Variants in USP6NL observed in about 807,000 individuals in gnomAD.
USP6NL encodes the protein USP6 N-terminal like.
USP6NL carries 26 observed loss-of-function variants against 61.9 expected under a neutral mutation model. That is an observed-to-expected ratio of 0.42 (90% CI 0.31 to 0.58). USP6NL has a LOEUF of 0.58. USP6NL is among the 20% of genes least tolerant of loss of function. The probability of loss-of-function intolerance (pLI) is 0.16; values close to 1 mark genes in which losing one functional copy is unlikely to be tolerated. For missense variants in USP6NL, 1,114 were observed against 1,034.3 expected (o/e 1.08, Z -1.06); for synonymous variants, 432 against 390.1 (o/e 1.11, Z -1.27).
At position 11,481,014 on chromosome 10, in the gene USP6NL, TCCC is replaced by T. The variant is rs1566122201; in HGVS notation, c.1078+753_1078+755del. On this transcript the variant is annotated intron_variant, in intron 14 of 14. Transcript: ENST00000609104. The surrounding 1 kb of genome is among the most constrained non-coding windows in gnomAD (Gnocchi z 4.4). ...CATTTTCTTCCCTCCCTTCCTGCAC[TCCC>T]CTTCTTCTGCTCCTCTCCCATTTAC... Among the ~76,000 whole-genome samples the T allele has an allele frequency of 6.6e-6, 1 of 152,160 alleles. No individual in the cohort carries two copies. The highest frequency in any genetic ancestry group is 2.1e-4 in the South Asian group (1 of 4,830).
At chr10:11,551,577 C>T (rs772597529) in intron 2 of USP6NL, among the ~76,000 whole-genome samples, 23 of 152,094 alleles carry the variant, frequency 1.5e-4, no homozygotes, top group Non-Finnish European at 3.1e-4. Flanking sequence ...ATAAAGATAC[C>T]ATCGCAGCGA....
In USP6NL at chr10:11,510,954, G is replaced by A. The variant is rs527975924; in HGVS notation, c.196-1279C>T. ...GTTCAGGCAATCATCATTCCTGGAT[G>A]GAAGCAGCAGCTCCTTACTGACTGT... On this transcript the variant is annotated intron_variant, in intron 5 of 14. Transcript: ENST00000609104. The surrounding 1 kb of genome is among the most constrained non-coding windows in gnomAD (Gnocchi z 4.8). Among the ~76,000 whole-genome samples, 1 of 152,310 alleles carries A rather than the reference G, an allele frequency of 6.6e-6. No individual in the cohort carries two copies. Among genetic ancestry groups the A allele is most frequent in the African/African-American group, 2.4e-5 (1 of 41,568 alleles).
Position 11,481,741 on chromosome 10 carries a change from T to A in USP6NL, c.1078+29A>T, listed in dbSNP as rs1201533933. 7 of 1,567,578 alleles carry A rather than the reference T, an allele frequency of 4.5e-6. No individual in the cohort carries two copies. In the East Asian group the frequency reaches 1.6e-4, roughly 35 times the overall value. ...ATGTCTTCCAATCTTAATTATAACG[T>A]AGATATAAAGTATTGGGGTAATTCT... On this transcript the variant is annotated intron_variant, in intron 14 of 14. Coordinates refer to ENST00000609104, the MANE Select transcript of USP6NL (RefSeq NM_014688.5). This position sits in a 1 kb window ranked among gnomAD's most constrained non-coding sequence, Gnocchi z 4.4.
chr10:11,509,701 T>A, intron 5 of USP6NL, 26 bp from the exon 6 acceptor site: 1 of 1,525,098 alleles, frequency 6.6e-7, no homozygotes, highest in Non-Finnish European at 8.9e-7. Context: ...AATTCATTGT[T>A]ATTGTTGTTC....
At position 11,574,064 on chromosome 10, in the gene USP6NL, C is replaced by T. The variant is rs1447157505; in HGVS notation, c.4+23567G>A. ...AAGCCATGACAGAAAAAATAAAGTG[C>T]TCTGCTATAAATTTTCACAGTGCAT... On this transcript the variant is annotated intron_variant, in intron 2 of 14. Transcript: ENST00000609104. This position sits in a 1 kb window ranked among gnomAD's most constrained non-coding sequence, Gnocchi z 4.3. Among the ~76,000 whole-genome samples, 2 of 152,158 alleles carry T rather than the reference C, an allele frequency of 1.3e-5. No homozygotes were observed. Among genetic ancestry groups the T allele is most frequent in the African/African-American group, 2.4e-5 (1 of 41,432 alleles).
rs867342277 is a variant in USP6NL at position 11,543,807 on chromosome 10, T to C, written c.5-16240A>G. Among the ~76,000 whole-genome samples the C allele has an allele frequency of 1.4e-4, 16 of 118,262 alleles. 1 individual carries two copies. The South Asian group carries it at 3.0e-3, about 22-fold the overall frequency. The allele number at this position is 118,262 out of a possible 152,430, so 77.6% of individuals were successfully genotyped here. Reference sequence around the variant, plus strand: ...GGGATCCTGAAAAATATTTAGGTTTTTTTTTTTTTTTTTTTTTTTTTTTGA... The same window carrying C: ...GGGATCCTGAAAAATATTTAGGTTTCTTTTTTTTTTTTTTTTTTTTTTTGA... On this transcript the variant is annotated intron_variant, in intron 2 of 14. Coordinates refer to ENST00000609104, the MANE Select transcript of USP6NL (RefSeq NM_014688.5).
intron 2 of USP6NL, among the ~76,000 whole-genome samples, chr10:11,546,833 C>G (rs924078318): frequency 6.6e-6 from 1 of 152,156 alleles, no homozygotes; most frequent in African/African-American, 2.4e-5. Context: ...CTTTTAAACA[C>G]TATCAAGCAA....
intron 14 of USP6NL, among the ~76,000 whole-genome samples, chr10:11,479,988 C>T (rs1265977571): frequency 6.6e-6 from 1 of 152,192 alleles, no homozygotes; most frequent in Non-Finnish European, 1.5e-5. Flanking sequence ...GAATGACAGG[C>T]AGGCGATGAA....
At position 11,489,344 on chromosome 10, in the gene USP6NL, C is replaced by T. The variant is rs1833613050; in HGVS notation, c.544-122G>A. On this transcript the variant is annotated intron_variant, in intron 9 of 14. Transcript: ENST00000609104. This position sits in a 1 kb window ranked among gnomAD's most constrained non-coding sequence, Gnocchi z 5.7. ...TACACACATCATTTAATGGTCCATT[C>T]TAGAGACAAATACTATACTCTTTAC... 1 of 1,298,872 alleles carries T rather than the reference C, an allele frequency of 7.7e-7. No individual in the cohort carries two copies. The highest frequency in any genetic ancestry group is 1.0e-6 in the Non-Finnish European group (1 of 956,380). 80.5% of individuals were successfully genotyped at this position (1,298,872 alleles called of 1,614,324 possible).
chr10:11,609,211 T>A (rs1407153489), intron 1 of USP6NL, among the ~76,000 whole-genome samples: 1 of 152,092 alleles, frequency 6.6e-6, no homozygotes, highest in African/African-American at 2.4e-5. Flanking sequence ...ATTACAGCAG[T>A]GCACCACTAC....
In USP6NL at chr10:11,532,982, C is replaced by T. The variant is rs2133425565; in HGVS notation, c.5-5415G>A. Among the ~76,000 whole-genome samples, 1 of 152,312 alleles carries T rather than the reference C, an allele frequency of 6.6e-6. No homozygotes were observed. The highest frequency in any genetic ancestry group is 1.5e-5 in the Non-Finnish European group (1 of 68,024). ...CTTCCTTCTTCCCTTCATTGTTTCTCCCTTTCTCTTAAATGGGTAAAATCT... is the reference window on the plus strand; with the variant it reads ...CTTCCTTCTTCCCTTCATTGTTTCTTCCTTTCTCTTAAATGGGTAAAATCT... On this transcript the variant is annotated intron_variant, in intron 2 of 14. Coordinates refer to ENST00000609104, the MANE Select transcript of USP6NL (RefSeq NM_014688.5). This position sits in a 1 kb window ranked among gnomAD's most constrained non-coding sequence, Gnocchi z 4.1.
chr10:11,590,708 A>G lies in USP6NL; in HGVS notation c.4+6923T>C, dbSNP rs551652000. On this transcript the variant is annotated intron_variant, in intron 2 of 14. Transcript: ENST00000609104. ...AATCAAACTCTATTTTCTAAAACTA[A>G]TGAAAGAGATAACAAGACGAATATT... 2.6e-5 allele frequency among the ~76,000 whole-genome samples: 4 copies of G among 152,266 alleles called. No homozygotes were observed. In the East Asian group the frequency reaches 7.7e-4, roughly 29 times the overall value.
At chr10:11,516,771 T>C (rs1834976140) in intron 5 of USP6NL, among the ~76,000 whole-genome samples, 1 of 152,222 alleles carries the variant, frequency 6.6e-6, no homozygotes, top group African/African-American at 2.4e-5. Flanking sequence ...TGATTCCCCA[T>C]TAAATTAAAC....
At chr10:11,507,423 G>A (rs1213139950) in intron 6 of USP6NL, among the ~76,000 whole-genome samples, 1 of 152,098 alleles carries the variant, frequency 6.6e-6, no homozygotes, top group Non-Finnish European at 1.5e-5. Flanking sequence ...AACATCCTGA[G>A]TTCTAAACCT....
At chr10:11,571,135 G>A (rs1277042077) in intron 2 of USP6NL, among the ~76,000 whole-genome samples, 1 of 150,272 alleles carries the variant, frequency 6.7e-6, no homozygotes, top group East Asian at 2.0e-4. Context: ...CCAAGCTGGA[G>A]TGCAATGGCG....
In USP6NL at chr10:11,575,865, G is replaced by A. The variant is rs550944623; in HGVS notation, c.4+21766C>T. On this transcript the variant is annotated intron_variant, in intron 2 of 14. Transcript: ENST00000609104. This position sits in a 1 kb window ranked among gnomAD's most constrained non-coding sequence, Gnocchi z 4.2. Reference sequence around the variant, plus strand: ...ATTAATCGAGTCAGGATAACAAAATGCAAAACAGGATCCCAGATTAGATAG... The same window carrying A: ...ATTAATCGAGTCAGGATAACAAAATACAAAACAGGATCCCAGATTAGATAG... Among the ~76,000 whole-genome samples, 2 of 152,250 alleles carry A rather than the reference G, an allele frequency of 1.3e-5. No homozygotes were observed. Among genetic ancestry groups the A allele is most frequent in the East Asian group, 3.9e-4 (2 of 5,188 alleles).
intron 4 of USP6NL, among the ~76,000 whole-genome samples, chr10:11,519,870 G>C (rs1247760918): frequency 6.6e-6 from 1 of 152,082 alleles, no homozygotes; most frequent in Non-Finnish European, 1.5e-5. Flanking sequence ...TACTGTTTTG[G>C]CAACACTATG....
Position 11,463,943 on chromosome 10 carries a change from T to C in USP6NL, c.1079-94A>G. The stretch of plus-strand genomic sequence containing the variant: ...TAGTAACAATGGCATGCTTTTCATC[T>C]GTGCACAGATACACGCTGACATACA... On this transcript the variant is annotated intron_variant, in intron 14 of 14. Transcript: ENST00000609104. The surrounding 1 kb of genome is among the most constrained non-coding windows in gnomAD (Gnocchi z 6.3). The C allele has an allele frequency of 8.5e-7, 1 of 1,177,974 alleles. No individual in the cohort carries two copies. The allele number at this position is 1,177,974 out of a possible 1,614,324, so 73.0% of individuals were successfully genotyped here. A position where few individuals can be genotyped will look rare whatever the true frequency, so the allele number is the denominator to read the frequency against.
intron 14 of USP6NL, among the ~76,000 whole-genome samples, chr10:11,469,861 T>C (rs569019407): frequency 1.3e-5 from 2 of 152,286 alleles, no homozygotes; most frequent in South Asian, 2.1e-4. Context: ...CTAACAAGTA[T>C]AGCCCGTGCA....
Sources: gnomAD v4.1 joint callset for allele counts (sites outside exome capture counted in the v4.1 genomes callset) on GRCh38, gnomAD v4.1.1 for gene constraint, Gnocchi (gnomAD v3.1) non-coding constraint, MANE v1.5 for transcripts, NCBI Gene and HGNC (gene_info 2026-07-23, HGNC 2026-07-21) for gene names.